ACOT7: variants seen among roughly 807,000 people sequenced by gnomAD.
ACOT7 encodes the protein acyl-CoA thioesterase 7.
Under a neutral mutation model 40.2 loss-of-function variants are expected in ACOT7, and 12 were observed. The observed-to-expected ratio is 0.30, with a 90% confidence interval of 0.19 to 0.48. The LOEUF is 0.48. Among genes scored for constraint, ACOT7 ranks in the 20% least tolerant of loss-of-function variants. The pLI is 0.99. For missense variants in ACOT7, 395 were observed against 530.8 expected (o/e 0.74, Z 2.51); for synonymous variants, 228 against 219.5 (o/e 1.04, Z -0.34).
chr1:6,327,764 T>G (rs567435835), intron 4 of ACOT7, among the ~76,000 whole-genome samples: 1 of 152,178 alleles, frequency 6.6e-6, no homozygotes, highest in Admixed American at 6.5e-5. Flanking sequence ...TTGTTCCCAA[T>G]TTTTCTTTAC....
chr1:6,361,095 G>A (rs943725386), intron 1 of ACOT7, among the ~76,000 whole-genome samples: 4 of 152,270 alleles, frequency 2.6e-5, no homozygotes, highest in African/African-American at 9.6e-5. Context: ...TGTCCACCAC[G>A]GATGGGTAGG....
chr1:6,297,633 GA>G (rs548252014), intron 6 of ACOT7, among the ~76,000 whole-genome samples: 136 of 152,314 alleles, frequency 8.9e-4, no homozygotes, highest in Non-Finnish European at 1.7e-3. Flanking sequence ...ACCAACTAGA[GA>G]AAAAGATGAG....
intron 5 of ACOT7, among the ~76,000 whole-genome samples, chr1:6,322,835 G>A (rs963894854): frequency 6.6e-5 from 10 of 152,126 alleles, no homozygotes; most frequent in Non-Finnish European, 1.2e-4. Flanking sequence ...TCAAAGCCTC[G>A]GAAATGACAC....
At position 6,333,497 on chromosome 1, in the gene ACOT7, G is replaced by T; in HGVS notation, c.490C>A (p.Leu164Ile). The T allele has an allele frequency of 6.2e-7, 1 of 1,614,226 alleles. No homozygotes were observed. ...PLSLKNVDKV[L>I]EVPPVVYSRQ... ...CTTACCACAACAGGAGGCACCTCGA[G>T]GACCTTGTCCACATTCTTCAGCGAC... The change falls in exon 4 of 9, where the codon CTC becomes ATC. Residue 164 changes from leucine (L) to isoleucine (I), a missense_variant. Transcript: ENST00000361521.
intron 1 of ACOT7, among the ~76,000 whole-genome samples, chr1:6,384,687 G>A (rs1642406441): frequency 6.6e-6 from 1 of 151,752 alleles, no homozygotes; most frequent in South Asian, 2.1e-4. Context: ...TGGCCTTTCT[G>A]GAGACCAGCT....
chr1:6,295,012 C>A (rs1032484612), intron 6 of ACOT7, 32 bp from the exon 7 acceptor site: 1 of 1,525,268 alleles, frequency 6.6e-7, no homozygotes. Flanking sequence ...GCAGATGAGA[C>A]ACGGAGGCAG....
At chr1:6,264,717 A>T in intron 8 of ACOT7, 22 bp from the exon 9 acceptor site, 2 of 1,610,420 alleles carry the variant, frequency 1.2e-6, no homozygotes, top group Non-Finnish European at 1.7e-6. Context: ...ACACAGAGAC[A>T]GGCAGGTTAG....
intron 6 of ACOT7, among the ~76,000 whole-genome samples, chr1:6,297,703 T>A (rs1223532447): frequency 6.6e-6 from 1 of 152,098 alleles, no homozygotes; most frequent in Non-Finnish European, 1.5e-5. Context: ...CTTATAAGTG[T>A]GTTTGGGAGG....
At position 6,385,391 on chromosome 1, in the gene ACOT7, C is replaced by A. The variant is rs1364116705; in HGVS notation, c.143+7866G>T. On this transcript the variant is annotated intron_variant, in intron 1 of 8. Coordinates refer to ENST00000361521, the MANE Select transcript of ACOT7 (RefSeq NM_007274.4). ...GCTCATCCAACACCCGACCCTACTACCCTCCCCAAAACTCCTCCAAGTTAT... is the reference window on the plus strand; with the variant it reads ...GCTCATCCAACACCCGACCCTACTAACCTCCCCAAAACTCCTCCAAGTTAT... The A allele has an allele frequency of 1.1e-5, 15 of 1,397,528 alleles. No homozygotes were observed. The Admixed American group carries it at 2.1e-4, about 19-fold the overall frequency. The allele number at this position is 1,397,528 out of a possible 1,614,324, so 86.6% of individuals were successfully genotyped here.
chr1:6,278,815 C>T lies in ACOT7; in HGVS notation c.1014+2287G>A, dbSNP rs555261766. ...ACTACAGGGTCCCCCATCCAGGGAG[C>T]GCAGGCTTCACTGAGGGCCTGGTCA... On this transcript the variant is annotated intron_variant, in intron 8 of 8. Transcript: ENST00000361521. This position sits in a 1 kb window ranked among gnomAD's most constrained non-coding sequence, Gnocchi z 4.1. Among the ~76,000 whole-genome samples the T allele has an allele frequency of 1.5e-4, 23 of 152,280 alleles. No homozygotes were observed. The highest frequency in any genetic ancestry group is 5.5e-4 in the African/African-American group (23 of 41,548).
Position 6,289,480 on chromosome 1 carries a change from C to T in ACOT7, c.829+5384G>A, listed in dbSNP as rs551158208. 1.3e-4 allele frequency among the ~76,000 whole-genome samples: 20 copies of T among 152,258 alleles called. No homozygotes were observed. Among genetic ancestry groups the T allele is most frequent in the African/African-American group, 4.8e-4 (20 of 41,558 alleles). ...GGCGGCACAATCACGGCTCACACTG[C>T]AGCCTCTGCCTCCTGGGCTCATGTG... is the stretch of plus-strand genomic sequence containing the variant. On this transcript the variant is annotated intron_variant, in intron 7 of 8. Transcript: ENST00000361521. The surrounding 1 kb of genome is among the most constrained non-coding windows in gnomAD (Gnocchi z 4.6).
Position 6,393,351 on chromosome 1 carries a change from A to G in ACOT7, c.49T>C (p.Cys17Arg). 4 of 1,247,458 alleles carry G rather than the reference A, an allele frequency of 3.2e-6. No homozygotes were observed. The highest frequency in any genetic ancestry group is 4.0e-6 in the Non-Finnish European group (4 of 995,428). The allele number at this position is 1,247,458 out of a possible 1,614,324, so 77.3% of individuals were successfully genotyped here. A position where few individuals can be genotyped will look rare whatever the true frequency, so the allele number is the denominator to read the frequency against. ...GCGGCGGGCGGCTGCAGAAGGGCGC[A>G]GGTGTCTGGCAGGCCCGGCGCGGAA... The part of the protein sequence containing the change: ...IHSAPGLPDT[C>R]ALLQPPAASA... The change falls in exon 1 of 9, where the codon TGC (cysteine) becomes CGC (arginine). Residue 17 changes from cysteine (C) to arginine (R), a missense_variant. Physicochemically the swap from Cys to Arg is radical, Grantham distance 180. Transcript: ENST00000361521.
In ACOT7 at chr1:6,275,499, G is replaced by A. The variant is rs113916315; in HGVS notation, c.1014+5603C>T. Among the ~76,000 whole-genome samples the A allele has an allele frequency of 0.031, 4,677 of 152,128 alleles. 285 individuals are homozygous for A. The highest frequency in any genetic ancestry group is 0.11 in the African/African-American group (4,443 of 41,456). On this transcript the variant is annotated intron_variant, in intron 8 of 8. Coordinates refer to ENST00000361521, the MANE Select transcript of ACOT7 (RefSeq NM_007274.4). The surrounding 1 kb of genome is among the most constrained non-coding windows in gnomAD (Gnocchi z 5.6). ...TGTAATCCTAGCACTTTGGGAGGCC[G>A]AGGCAGGTGGATCACGAGACCAGCC...
At chr1:6,377,212 A>C (rs182963127) in intron 1 of ACOT7, among the ~76,000 whole-genome samples, 2 of 152,214 alleles carry the variant, frequency 1.3e-5, no homozygotes, top group African/African-American at 4.8e-5. Context: ...CAATTAAATC[A>C]ATCCTATATT....
At chr1:6,326,306 A>T (rs1463333749) in intron 5 of ACOT7, among the ~76,000 whole-genome samples, 1 of 152,208 alleles carries the variant, frequency 6.6e-6, no homozygotes, top group Non-Finnish European at 1.5e-5. Flanking sequence ...GATGCTCCCC[A>T]GGGCCCCCTG....
rs78248909 is a variant in ACOT7, at chr1:6,374,900, C to T, written c.143+18357G>A. ...GGCATCTGCTGAAAACGATGGCTTC[C>T]CCTGTTCATCCTGATCAGTTACATG... On this transcript the variant is annotated intron_variant, in intron 1 of 8. Transcript: ENST00000361521. 1.9e-3 allele frequency among the ~76,000 whole-genome samples: 287 copies of T among 152,300 alleles called. 3 individuals are homozygous for T. Among genetic ancestry groups the T allele is most frequent in the African/African-American group, 6.7e-3 (279 of 41,556 alleles).
chr1:6,351,723 C>G lies in ACOT7; in HGVS notation c.144-1857G>C, dbSNP rs542535551. Among the ~76,000 whole-genome samples the G allele has an allele frequency of 3.3e-4, 51 of 152,356 alleles. 3 individuals are homozygous for G. In the South Asian group the frequency reaches 0.01, roughly 30 times the overall value. On this transcript the variant is annotated intron_variant, in intron 1 of 8. Coordinates refer to ENST00000361521, the MANE Select transcript of ACOT7 (RefSeq NM_007274.4). ...TCCAGAGCAGCCTGAATGACTGCTG[C>G]AGGCCTCACTTTGCCTGTCTGTGAA... is the stretch of plus-strand genomic sequence containing the variant.
At position 6,355,099 on chromosome 1, in the gene ACOT7, G is replaced by C. The variant is rs568847815; in HGVS notation, c.144-5233C>G. ...GACCTGCACCTGCCAGAGCACTGCT[G>C]CTTAGCAGGCACGCCTGGCCCTTCC... On this transcript the variant is annotated intron_variant, in intron 1 of 8. Coordinates refer to ENST00000361521, the MANE Select transcript of ACOT7 (RefSeq NM_007274.4). This position sits in a 1 kb window ranked among gnomAD's most constrained non-coding sequence, Gnocchi z 5.0. 1.2e-4 allele frequency among the ~76,000 whole-genome samples: 19 copies of C among 152,296 alleles called. No individual in the cohort carries two copies. Among genetic ancestry groups the C allele is most frequent in the Non-Finnish European group, 2.4e-4 (16 of 68,008 alleles).
intron 8 of ACOT7, among the ~76,000 whole-genome samples, chr1:6,271,107 T>A (rs1639021673): frequency 6.6e-6 from 1 of 152,198 alleles, no homozygotes; most frequent in Non-Finnish European, 1.5e-5. Context: ...CTGCCACTGC[T>A]GTCTTCTGGG....
Sources: gnomAD v4.1 joint callset for allele counts (sites outside exome capture counted in the v4.1 genomes callset) on GRCh38, gnomAD v4.1.1 for gene constraint, Gnocchi (gnomAD v3.1) non-coding constraint, MANE v1.5 for transcripts, NCBI Gene and HGNC (gene_info 2026-07-23, HGNC 2026-07-21) for gene names.